PIWIL3: variants seen among roughly 807,000 people sequenced by gnomAD.
The protein encoded by PIWIL3 is piwi-like protein 3.
PIWIL3 carries 101 observed loss-of-function variants against 109.7 expected under a neutral mutation model. The ratio of observed to expected loss-of-function variants is 0.92; its 90% CI spans 0.78 to 1.09. The LOEUF is 1.09. Ranked by LOEUF, PIWIL3 falls within the 50% of genes least tolerant of loss-of-function variation. PIWIL3 has a pLI of 0.00. For missense variants in PIWIL3, 1,031 were observed against 1,072.6 expected, an observed-to-expected ratio of 0.96 and a Z score of 0.54; for synonymous variants, 373 against 376.4, an observed-to-expected ratio of 0.99 and a Z score of 0.10.
chr22:24,757,836 T>G, intron 4 of PIWIL3, 72 bp downstream of exon 4: 1 of 1,446,464 alleles, frequency 6.9e-7, no homozygotes, highest in Non-Finnish European at 9.1e-7. Context: ...GGACCTTGTC[T>G]CTCAATGAAA....
intron 14 of PIWIL3, among the ~76,000 whole-genome samples, chr22:24,729,744 G>A (rs923330192): frequency 2.0e-5 from 3 of 152,184 alleles, no homozygotes; most frequent in Admixed American, 6.5e-5. Context: ...ATGAAAGGGT[G>A]TAGAATTTCA....
Position 24,719,912 on chromosome 22 carries a change from T to C in PIWIL3, c.2358-17A>G, listed in dbSNP as rs1359931128. 3 of 1,596,174 alleles carry C rather than the reference T, an allele frequency of 1.9e-6. No homozygotes were observed. The highest frequency in any genetic ancestry group is 1.7e-6 in the Non-Finnish European group (2 of 1,166,586). ...AAGTCATACCTGGAAATATAGGACA[T>C]GTGGGTATCAGCTCATTTTAGAAAG... is the stretch of plus-strand genomic sequence containing the variant. On this transcript the variant is annotated splice_polypyrimidine_tract_variant and intron_variant, in intron 19 of 20. Transcript: ENST00000616349.
chr22:24,725,079 A>T, intron 17 of PIWIL3, 42 bp from the exon 18 acceptor site: 5 of 1,608,914 alleles, frequency 3.1e-6, no homozygotes, highest in Non-Finnish European at 4.3e-6. Context: ...GTTACTTGGA[A>T]CAAACTAGCC....
At chr22:24,774,093 C>A (rs1392892838) in intron 1 of PIWIL3, among the ~76,000 whole-genome samples, 1 of 152,198 alleles carries the variant, frequency 6.6e-6, no homozygotes, top group African/African-American at 2.4e-5. Context: ...AGCAGCTTAG[C>A]AGCCTAACCT....
chr22:24,750,668 A>C (rs1391136944), intron 9 of PIWIL3, among the ~76,000 whole-genome samples: 1 of 149,870 alleles, frequency 6.7e-6, no homozygotes, highest in African/African-American at 2.4e-5. Flanking sequence ...TTGTATTTTT[A>C]GTAGAGACGG....
At chr22:24,726,644 A>G (rs1923018767) in intron 16 of PIWIL3, among the ~76,000 whole-genome samples, 1 of 152,206 alleles carries the variant, frequency 6.6e-6, no homozygotes, top group South Asian at 2.1e-4. Flanking sequence ...CAGATTTTAC[A>G]CTATTAAAAT....
intron 1 of PIWIL3, among the ~76,000 whole-genome samples, chr22:24,765,665 T>C (rs2147727208): frequency 6.6e-6 from 1 of 152,270 alleles, no homozygotes; most frequent in South Asian, 2.1e-4. Flanking sequence ...GTTCTGAGCA[T>C]TCGCTGTACT....
chr22:24,763,872 C>G (rs1400190667), intron 1 of PIWIL3, among the ~76,000 whole-genome samples: 3 of 152,108 alleles, frequency 2.0e-5, no homozygotes, highest in Non-Finnish European at 4.4e-5. Flanking sequence ...ACCTGCCCTC[C>G]GTCCACAAGA....
chr22:24,727,129 A>G (rs1365719163), intron 16 of PIWIL3, among the ~76,000 whole-genome samples: 1 of 152,200 alleles, frequency 6.6e-6, no homozygotes, highest in Non-Finnish European at 1.5e-5. Flanking sequence ...ACCCATGCAC[A>G]TCTGAACTAT....
intron 12 of PIWIL3, among the ~76,000 whole-genome samples, chr22:24,738,902 G>A (rs945071442): frequency 6.6e-6 from 1 of 152,066 alleles, no homozygotes; most frequent in South Asian, 2.1e-4. Context: ...ACCAGTTCTG[G>A]AGAAACAGAT....
chr22:24,738,478 T>C (rs114598320), intron 12 of PIWIL3, among the ~76,000 whole-genome samples: 285 of 152,368 alleles, frequency 1.9e-3, no homozygotes, highest in African/African-American at 6.4e-3. Flanking sequence ...GTTGACCCCG[T>C]GCAGTCCCAT....
intron 1 of PIWIL3, among the ~76,000 whole-genome samples, chr22:24,769,364 G>A (rs1222805888): frequency 6.6e-6 from 1 of 152,192 alleles, no homozygotes; most frequent in African/African-American, 2.4e-5. Flanking sequence ...TATAATCCCA[G>A]CAGCTTGGGA....
chr22:24,773,781 C>T (rs1926269098), intron 1 of PIWIL3, among the ~76,000 whole-genome samples: 1 of 139,008 alleles, frequency 7.2e-6, no homozygotes, highest in South Asian at 2.3e-4. Flanking sequence ...GTGGTGCGAT[C>T]TTGGCTCACT....
At chr22:24,742,250 T>A (rs903164639) in intron 12 of PIWIL3, among the ~76,000 whole-genome samples, 2 of 149,860 alleles carry the variant, frequency 1.3e-5, no homozygotes, top group African/African-American at 4.9e-5. Flanking sequence ...AAATCACAGG[T>A]GACACAAATG....
chr22:24,755,565 A>T (rs1180486440), intron 6 of PIWIL3, among the ~76,000 whole-genome samples: 1 of 152,196 alleles, frequency 6.6e-6, no homozygotes, highest in Non-Finnish European at 1.5e-5. Context: ...TGAGACAAAG[A>T]ACGGGCATCG....
intron 8 of PIWIL3, among the ~76,000 whole-genome samples, chr22:24,752,769 C>T (rs945487006): frequency 2.6e-5 from 4 of 152,104 alleles, no homozygotes; most frequent in Admixed American, 2.6e-4. Context: ...AGAAGCCATA[C>T]CATTTAATAT....
In PIWIL3 at chr22:24,749,437, T is replaced by C. The variant is rs1361514123; in HGVS notation, c.1301A>G (p.His434Arg). ...HTRLSPRRRHHTLKEFINTLQ... is the reference protein window; with the variant it reads ...HTRLSPRRRHRTLKEFINTLQ... ...AGTATTGATGAATTCTTTTAATGTA[T>C]GATGCCTTCTTCTTGGACTCAATCT... is the stretch of plus-strand genomic sequence containing the variant. The change falls in exon 11 of 21, where the codon CAT (histidine) becomes CGT (arginine). Residue 434 changes from histidine to arginine, a missense_variant. Coordinates refer to ENST00000616349, the MANE Select transcript of PIWIL3 (RefSeq NM_001255975.1). The C allele has an allele frequency of 6.2e-7, 1 of 1,613,888 alleles. No individual in the cohort carries two copies. Among genetic ancestry groups the C allele is most frequent in the Non-Finnish European group, 8.5e-7 (1 of 1,180,006 alleles).
At chr22:24,764,370 C>T (rs1925657498) in intron 1 of PIWIL3, among the ~76,000 whole-genome samples, 1 of 152,190 alleles carries the variant, frequency 6.6e-6, no homozygotes, top group South Asian at 2.1e-4. Context: ...CAGGATGCAG[C>T]CATTACCACT....
rs151330486 is a variant in PIWIL3, at chr22:24,762,460, G to T, written c.40C>A (p.Arg14Ser). 1.2e-6 allele frequency: 2 copies of T among 1,613,884 alleles called. No homozygotes were observed. Among genetic ancestry groups the T allele is most frequent in the Non-Finnish European group, 1.7e-6 (2 of 1,179,906 alleles). Residue 14 changes from arginine (R) to serine (S), a missense_variant, in exon 2 of 21, where the codon CGC (arginine) becomes AGC (serine). By Grantham distance (110) the Arg-to-Ser change is moderately radical (BLOSUM62 -1). Transcript: ENST00000616349. ...RARTRARGRA[R>S]RRESYQQEAP... The stretch of plus-strand genomic sequence containing the variant: ...TCTTGTTGGTAGCTCTCCCTGCGGC[G>T]GGCTCTGCCTCGGGCGCGAGTCCTT...
Sources: gnomAD v4.1 joint callset for allele counts (sites outside exome capture counted in the v4.1 genomes callset) on GRCh38, gnomAD v4.1.1 for gene constraint, MANE v1.5 for transcripts, NCBI Gene and HGNC (gene_info 2026-07-23, HGNC 2026-07-21) for gene names.